PRDM15: variants seen among roughly 807,000 people sequenced by gnomAD.
The protein encoded by PRDM15 is PR domain zinc finger protein 15.
PRDM15 carries 64 observed loss-of-function variants against 128.6 expected under a neutral mutation model. The ratio of observed to expected loss-of-function variants is 0.50; its 90% confidence interval spans 0.41 to 0.61. The LOEUF (loss-of-function observed/expected upper bound fraction) is 0.61, where lower values mean the gene tolerates loss of function less well. PRDM15 is among the 20% of genes least tolerant of loss of function. The pLI is 0.00. For synonymous variants in PRDM15, 615 were observed against 621.8 expected (o/e 0.99, Z 0.16); for missense variants, 1,242 against 1,569.1 (o/e 0.79, Z 3.52).
chr21:41,816,399 A>G (rs1330716329), intron 18 of PRDM15, among the ~76,000 whole-genome samples: 1 of 152,130 alleles, frequency 6.6e-6, no homozygotes, highest in Non-Finnish European at 1.5e-5. Context: ...GGCCCTCCGC[A>G]GGGGGCACAG....
intron 1 of PRDM15, among the ~76,000 whole-genome samples, chr21:41,860,703 G>C (rs1462400285): frequency 6.6e-6 from 1 of 152,104 alleles, no homozygotes; most frequent in Non-Finnish European, 1.5e-5. Context: ...TTACAGGTGT[G>C]AGCCACCGTG....
chr21:41,873,168 G>A (rs1276130323), intron 1 of PRDM15, among the ~76,000 whole-genome samples: 2 of 152,160 alleles, frequency 1.3e-5, no homozygotes, highest in African/African-American at 2.4e-5. Context: ...GCCTGGGGGC[G>A]CCTGGTTCCT....
intron 4 of PRDM15, among the ~76,000 whole-genome samples, chr21:41,856,691 C>A (rs117415251): frequency 0.015 from 2,226 of 152,308 alleles, 33 homozygotes; most frequent in Non-Finnish European, 0.022. Context: ...TAGAGAACCA[C>A]TGTCTTCTCT....
At chr21:41,809,081 CGT>C (rs1337170775) in intron 21 of PRDM15, among the ~76,000 whole-genome samples, 3 of 152,186 alleles carry the variant, frequency 2.0e-5, no homozygotes, top group Non-Finnish European at 4.4e-5. Context: ...AACGCCTTTC[CGT>C]GTGTTTTTCA....
chr21:41,803,803 T>G (rs1367913860), intron 22 of PRDM15, among the ~76,000 whole-genome samples: 2 of 152,146 alleles, frequency 1.3e-5, no homozygotes, highest in Non-Finnish European at 2.9e-5. Context: ...GGCATACATG[T>G]GATCTTAGAC....
intron 5 of PRDM15, among the ~76,000 whole-genome samples, chr21:41,851,082 C>T (rs1278643393): frequency 6.6e-6 from 1 of 151,986 alleles, no homozygotes; most frequent in Non-Finnish European, 1.5e-5. Context: ...CCGGAGGCCA[C>T]TCACATCACT....
At chr21:41,804,467 C>A in intron 22 of PRDM15, 67 bp downstream of exon 22, 1 of 1,262,770 alleles carries the variant, frequency 7.9e-7, no homozygotes, top group Non-Finnish European at 1.1e-6. Flanking sequence ...CCAAGCCCCT[C>A]TGGTCCCTTC....
intron 11 of PRDM15, among the ~76,000 whole-genome samples, chr21:41,833,516 T>C (rs528249037): frequency 1.1e-4 from 16 of 152,354 alleles, no homozygotes; most frequent in Admixed American, 5.2e-4. Flanking sequence ...GGTTTAATTG[T>C]CTAAGGAAGA....
chr21:41,808,900 G>A (rs1315120593), intron 21 of PRDM15, among the ~76,000 whole-genome samples: 3 of 152,188 alleles, frequency 2.0e-5, no homozygotes, highest in Admixed American at 1.3e-4. Context: ...TTAAACACTC[G>A]AGAAATGCTG....
At chr21:41,819,746 C>A (rs138548984) in intron 17 of PRDM15, 45 bp from the exon 18 acceptor site, 3 of 1,557,640 alleles carry the variant, frequency 1.9e-6, no homozygotes, top group Non-Finnish European at 2.6e-6. Context: ...CAGCTCCGAC[C>A]TGCAGTGGCT....
intron 1 of PRDM15, among the ~76,000 whole-genome samples, chr21:41,871,321 G>T: frequency 6.6e-6 from 1 of 151,688 alleles, no homozygotes. Context: ...GACTCTCTTT[G>T]GCCCTCCATT....
intron 18 of PRDM15, among the ~76,000 whole-genome samples, chr21:41,819,342 TC>T: frequency 7.2e-6 from 1 of 139,338 alleles, no homozygotes; most frequent in Admixed American, 7.1e-5. Context: ...TTTCCCACAC[TC>T]CCAGTTCTCG....
At chr21:41,850,155 G>C (rs899417888) in intron 5 of PRDM15, among the ~76,000 whole-genome samples, 1 of 152,170 alleles carries the variant, frequency 6.6e-6, no homozygotes, top group African/African-American at 2.4e-5. Context: ...TGGGACTCTG[G>C]CTCTGATTTC....
intron 3 of PRDM15, among the ~76,000 whole-genome samples, chr21:41,857,940 G>T (rs1165705605): frequency 6.6e-6 from 1 of 152,202 alleles, no homozygotes; most frequent in Non-Finnish European, 1.5e-5. Flanking sequence ...GCGGGGCTGT[G>T]CACTGAAGGA....
At chr21:41,839,884 A>G (rs1282457073) in intron 6 of PRDM15, 31 bp from the exon 7 acceptor site, 2 of 1,590,136 alleles carry the variant, frequency 1.3e-6, no homozygotes, top group Non-Finnish European at 1.7e-6. Flanking sequence ...GCACCACACA[A>G]TTAGGAAGCC....
At chr21:41,864,271 A>G (rs1430206814) in intron 1 of PRDM15, among the ~76,000 whole-genome samples, 3 of 152,230 alleles carry the variant, frequency 2.0e-5, no homozygotes, top group African/African-American at 7.2e-5. Context: ...CTATAACTTC[A>G]TATCTTACTA....
At position 41,879,311 on chromosome 21, in the gene PRDM15, G is replaced by A. The variant is rs750237700; in HGVS notation, c.-51C>T. ...CAGAGCGGGATCGGATCCGGACTCC[G>A]GGTTGCGATCCGCTCCGGAAACTGC... On this transcript the variant is annotated 5_prime_UTR_variant, in exon 1 of 24. Coordinates refer to ENST00000398548, the MANE Select transcript of PRDM15 (RefSeq NM_001040424.3). The surrounding 1 kb of genome is among the most constrained non-coding windows in gnomAD (Gnocchi z 5.1). The A allele has an allele frequency of 9.4e-5, 103 of 1,093,362 alleles. No individual in the cohort carries two copies. Among genetic ancestry groups the A allele is most frequent in the Non-Finnish European group, 1.1e-4 (97 of 889,306 alleles). 67.7% of individuals were successfully genotyped at this position (1,093,362 alleles called of 1,614,324 possible). A position where few individuals can be genotyped will look rare whatever the true frequency, so the allele number is the denominator to read the frequency against.
At chr21:41,844,808 T>C (rs894014077) in intron 6 of PRDM15, among the ~76,000 whole-genome samples, 3 of 204 alleles carry the variant, frequency 0.015, no homozygotes, top group Non-Finnish European at 0.015. Flanking sequence ...ACACAGTCCC[T>C]CCCCCCTCAC....
intron 5 of PRDM15, among the ~76,000 whole-genome samples, chr21:41,851,404 G>T (rs748685692): frequency 2.0e-5 from 3 of 152,202 alleles, no homozygotes; most frequent in African/African-American, 7.2e-5. Flanking sequence ...TGAGGTGCTC[G>T]ACACACACTC....
Sources: gnomAD v4.1 joint callset for allele counts (sites outside exome capture counted in the v4.1 genomes callset) on GRCh38, gnomAD v4.1.1 for gene constraint, Gnocchi (gnomAD v3.1) non-coding constraint, MANE v1.5 for transcripts, NCBI Gene and HGNC (gene_info 2026-07-23, HGNC 2026-07-21) for gene names.